SMAD2: variants seen among roughly 807,000 people sequenced by gnomAD.
The protein encoded by SMAD2 is MAD homolog 2.
In SMAD2, 8 loss-of-function variants were observed where a neutral mutation model predicts 64.4. That is an observed-to-expected ratio of 0.12 (90% CI 0.07 to 0.22). The LOEUF (loss-of-function observed/expected upper bound fraction) is 0.22, where lower values mean the gene tolerates loss of function less well. Among genes scored for constraint, SMAD2 ranks in the 10% least tolerant of loss-of-function variants. The probability of loss-of-function intolerance (pLI) is 1.00; values close to 1 mark genes in which losing one functional copy is unlikely to be tolerated. For synonymous variants in SMAD2, 203 were observed against 195.8 expected (o/e 1.04, Z -0.31); for missense variants, 289 against 561.2 (o/e 0.51, Z 4.90).
intron 1 of SMAD2, among the ~76,000 whole-genome samples, chr18:47,904,052 T>TCAACCTG (rs1285016525): frequency 6.6e-6 from 1 of 151,914 alleles, no homozygotes; most frequent in African/African-American, 2.4e-5. Context: ...ACATTCATGG[T>TCAACCTG]CAACCTGCTG....
At chr18:47,910,211 G>C (rs551677717) in intron 1 of SMAD2, among the ~76,000 whole-genome samples, 1 of 149,996 alleles carries the variant, frequency 6.7e-6, no homozygotes, top group East Asian at 1.9e-4. Flanking sequence ...GGCTTCAAGA[G>C]ATGGATCTTT....
chr18:47,880,468 T>C (rs1451864917), intron 2 of SMAD2, among the ~76,000 whole-genome samples: 1 of 152,212 alleles, frequency 6.6e-6, no homozygotes, highest in African/African-American at 2.4e-5. Flanking sequence ...TGTGGGGCTA[T>C]CTTATCTGTT....
At chr18:47,843,888 T>G (rs542310334) in intron 10 of SMAD2, among the ~76,000 whole-genome samples, 9 of 152,312 alleles carry the variant, frequency 5.9e-5, no homozygotes. Flanking sequence ...TAGATACACA[T>G]GGAATTCTCT....
rs1913918106 is a variant in SMAD2 at position 47,841,163 on chromosome 18, A to G, written c.*664T>C. On this transcript the variant is annotated 3_prime_UTR_variant, in exon 11 of 11. Transcript: ENST00000262160. ...TAGCAGTTAAAAAAAAAAACAAAAA[A>G]AAACAAAAAACCACAAAAAGAATGA... 4.3e-6 allele frequency: 1 copy of G among 232,394 alleles called. No homozygotes were observed. The highest frequency in any genetic ancestry group is 6.0e-5 in the East Asian group (1 of 16,546). 14.4% of individuals were successfully genotyped at this position (232,394 alleles called of 1,614,324 possible). A position where few individuals can be genotyped will look rare whatever the true frequency, so the allele number is the denominator to read the frequency against.
chr18:47,857,508 C>G (rs1459236109), intron 6 of SMAD2, among the ~76,000 whole-genome samples: 1 of 152,142 alleles, frequency 6.6e-6, no homozygotes, highest in African/African-American at 2.4e-5. Context: ...TGGGGAAAAC[C>G]TTTGCTTCTG....
At chr18:47,880,800 G>T (rs2032541736) in intron 2 of SMAD2, among the ~76,000 whole-genome samples, 1 of 152,120 alleles carries the variant, frequency 6.6e-6, no homozygotes, top group Admixed American at 6.5e-5. Context: ...TAACCTGGTT[G>T]CATTCAAACC....
rs1353079556 is a variant in SMAD2, at chr18:47,825,627, C to G, written c.*16200G>C. ...CCTCAGCTATCCTGTTATAGTAACACAAAACAGACTAAGACAGGCACACAA... is the reference window on the plus strand; with the variant it reads ...CCTCAGCTATCCTGTTATAGTAACAGAAAACAGACTAAGACAGGCACACAA... On this transcript the variant is annotated 3_prime_UTR_variant, in exon 11 of 11. Coordinates refer to ENST00000262160, the MANE Select transcript of SMAD2 (RefSeq NM_005901.6). 6.6e-6 allele frequency: 1 copy of G among 152,240 alleles called. No homozygotes were observed. The highest frequency in any genetic ancestry group is 2.4e-5 in the African/African-American group (1 of 41,450). 9.4% of individuals were successfully genotyped at this position (152,240 alleles called of 1,614,324 possible).
At chr18:47,880,773 T>C (rs568434065) in intron 2 of SMAD2, among the ~76,000 whole-genome samples, 1 of 152,356 alleles carries the variant, frequency 6.6e-6, no homozygotes, top group Non-Finnish European at 1.5e-5. Context: ...GTCTTCATTT[T>C]TGTTTCACCA....
chr18:47,856,407 C>T (rs978104670), intron 6 of SMAD2, among the ~76,000 whole-genome samples: 1 of 152,158 alleles, frequency 6.6e-6, no homozygotes, highest in Non-Finnish European at 1.5e-5. Context: ...GCAACCATTT[C>T]ACTACATACA....
At chr18:47,924,074 C>A (rs992010303) in intron 1 of SMAD2, among the ~76,000 whole-genome samples, 4 of 151,916 alleles carry the variant, frequency 2.6e-5, no homozygotes, top group Non-Finnish European at 5.9e-5. Flanking sequence ...CATGGTGAAA[C>A]CCCGTTTCTA....
In SMAD2 at chr18:47,837,628, GA is replaced by G. The variant is rs373236049; in HGVS notation, c.*4198del. ...GAGGATAACCAGCAAGTACCACCTGGATGTGTGTTGTCAGGTAGAAAGGAAG... is the reference window on the plus strand; with the variant it reads ...GAGGATAACCAGCAAGTACCACCTGGTGTGTGTTGTCAGGTAGAAAGGAAG... On this transcript the variant is annotated 3_prime_UTR_variant, in exon 11 of 11. Transcript: ENST00000262160. 210 of 232,496 alleles carry G rather than the reference GA, an allele frequency of 9.0e-4. No individual in the cohort carries two copies. Among genetic ancestry groups the G allele is most frequent in the African/African-American group, 4.5e-3 (205 of 45,302 alleles). The allele number at this position is 232,496 out of a possible 1,614,324, so 14.4% of individuals were successfully genotyped here.
At chr18:47,918,708 C>A (rs1806463935) in intron 1 of SMAD2, among the ~76,000 whole-genome samples, 1 of 149,502 alleles carries the variant, frequency 6.7e-6, no homozygotes, top group South Asian at 2.1e-4. Context: ...TCAAAGGCAG[C>A]ATTCAGAGAA....
Position 47,842,268 on chromosome 18 carries a change from G to A in SMAD2, c.1281-318C>T, listed in dbSNP as rs113061941. Among the ~76,000 whole-genome samples the A allele has an allele frequency of 0.017, 2,615 of 152,266 alleles. 66 individuals are homozygous for A. Among genetic ancestry groups the A allele is most frequent in the African/African-American group, 0.059 (2,436 of 41,552 alleles). The stretch of plus-strand genomic sequence containing the variant: ...TATTAATATCAGGCCAGGGCCAGGC[G>A]TGGTGGCTCACACCTGTAAGCCCAG... On this transcript the variant is annotated intron_variant, in intron 10 of 10. Transcript: ENST00000262160.
At chr18:47,915,676 T>C (rs1343328386) in intron 1 of SMAD2, among the ~76,000 whole-genome samples, 1 of 152,194 alleles carries the variant, frequency 6.6e-6, no homozygotes, top group Non-Finnish European at 1.5e-5. Flanking sequence ...CTACAATTTC[T>C]CTAAACTGAG....
rs1317640844 is a variant in SMAD2 at position 47,840,706 on chromosome 18, C to A, written c.*1121G>T. ...CAAAAGGCCCATTTCATAATGCAAT[C>A]TGGTTACTAAACCAAATCAAACTAC... is the stretch of plus-strand genomic sequence containing the variant. On this transcript the variant is annotated 3_prime_UTR_variant, in exon 11 of 11. Coordinates refer to ENST00000262160, the MANE Select transcript of SMAD2 (RefSeq NM_005901.6). 3 of 231,468 alleles carry A rather than the reference C, an allele frequency of 1.3e-5. No homozygotes were observed. The East Asian group carries it at 1.8e-4, about 14-fold the overall frequency. 14.3% of individuals were successfully genotyped at this position (231,468 alleles called of 1,614,324 possible).
Position 47,810,105 on chromosome 18 carries a change from C to A in SMAD2, c.*31722G>T, listed in dbSNP as rs1912154354. ...CTAGACGAGCTGATCTGAGTACAAT[C>A]ACAGAGGAGCACTGGAAGATACCAC... is the stretch of plus-strand genomic sequence containing the variant. On this transcript the variant is annotated 3_prime_UTR_variant, in exon 11 of 11. Coordinates refer to ENST00000262160, the MANE Select transcript of SMAD2 (RefSeq NM_005901.6). 6.6e-6 allele frequency: 1 copy of A among 152,196 alleles called. No homozygotes were observed. Among genetic ancestry groups the A allele is most frequent in the Non-Finnish European group, 1.5e-5 (1 of 68,060 alleles). The allele number at this position is 152,196 out of a possible 1,614,324, so 9.4% of individuals were successfully genotyped here. A position where few individuals can be genotyped will look rare whatever the true frequency, so the allele number is the denominator to read the frequency against.
chr18:47,905,902 T>C (rs1340483997), intron 1 of SMAD2, among the ~76,000 whole-genome samples: 2 of 152,040 alleles, frequency 1.3e-5, no homozygotes, highest in Non-Finnish European at 1.5e-5. Context: ...GCTTGAGCTC[T>C]AGTGTTCAAG....
Position 47,827,022 on chromosome 18 carries a change from G to A in SMAD2, c.*14805C>T, listed in dbSNP as rs186114451. ...AAAGTCACATAAATTGGCACAATCA[G>A]GGTCCAAACCCCAGGCCTCCGATTC... On this transcript the variant is annotated 3_prime_UTR_variant, in exon 11 of 11. Transcript: ENST00000262160. 1.6e-3 allele frequency: 238 copies of A among 152,282 alleles called. No individual in the cohort carries two copies. The highest frequency in any genetic ancestry group is 5.6e-3 in the African/African-American group (234 of 41,558). 9.4% of individuals were successfully genotyped at this position (152,282 alleles called of 1,614,324 possible). A position where few individuals can be genotyped will look rare whatever the true frequency, so the allele number is the denominator to read the frequency against.
chr18:47,928,971 G>A (rs377626397), intron 1 of SMAD2, among the ~76,000 whole-genome samples: 2 of 152,256 alleles, frequency 1.3e-5, no homozygotes, highest in South Asian at 2.1e-4. Context: ...CTAAGTTTAC[G>A]GCAACGGCTA....
Sources: allele counts gnomAD v4.1 joint callset (sites outside exome capture counted in the v4.1 genomes callset), GRCh38; gene constraint gnomAD v4.1.1; transcripts MANE v1.5; gene names NCBI Gene and HGNC (gene_info 2026-07-23, HGNC 2026-07-21).